GUCY2F: variants seen among roughly 807,000 people sequenced by gnomAD.
The protein encoded by GUCY2F is retinal guanylyl cyclase 2.
In GUCY2F, 61 loss-of-function variants were observed where a neutral mutation model predicts 73.1. The ratio of observed to expected loss-of-function variants is 0.83; its 90% CI spans 0.68 to 1.03. GUCY2F has a LOEUF of 1.03. GUCY2F is among the 50% of genes least tolerant of loss of function. The probability of loss-of-function intolerance (pLI) is 0.00; values close to 1 mark genes in which losing one functional copy is unlikely to be tolerated. For synonymous variants in GUCY2F, 331 were observed against 307.8 expected (o/e 1.08, Z -0.79); for missense variants, 912 against 854.3 (o/e 1.07, Z -0.84).
rs1930485620 is a variant in GUCY2F, at chrX:109,388,419, T to C, written c.2956+70A>G. On this transcript the variant is annotated intron_variant, in intron 15 of 19. Coordinates refer to ENST00000218006, the MANE Select transcript of GUCY2F (RefSeq NM_001522.3). ...GCCAGGAATCAGGGGAGAGCTATCT[T>C]TTTCCCTTTCTTTTTTAGTCTTCCT... is the stretch of plus-strand genomic sequence containing the variant. The C allele has an allele frequency of 3.6e-6, 3 of 843,775 alleles. No individual in the cohort carries two copies. The South Asian group carries it at 7.1e-5, about 20-fold the overall frequency. 69.5% of individuals were successfully genotyped at this position (843,775 alleles called of 1,213,427 possible). A position where few individuals can be genotyped will look rare whatever the true frequency, so the allele number is the denominator to read the frequency against.
chrX:109,420,966 T>C (rs976050037), intron 8 of GUCY2F, among the ~76,000 whole-genome samples: 1 of 111,689 alleles, frequency 9.0e-6, no homozygotes, highest in African/African-American at 3.2e-5. Context: ...AGTGAAAATA[T>C]ATGTTCACAA....
At chrX:109,463,453 T>C (rs917331963) in intron 3 of GUCY2F, among the ~76,000 whole-genome samples, 1 of 103,011 alleles carries the variant, frequency 9.7e-6, no homozygotes, top group Non-Finnish European at 2.0e-5. Context: ...TTTTTTTTTT[T>C]TGGAGATGGA....
At chrX:109,386,389 G>A (rs1000588531) in intron 15 of GUCY2F, among the ~76,000 whole-genome samples, 8 of 111,182 alleles carry the variant, frequency 7.2e-5, no homozygotes, top group African/African-American at 2.6e-4. Flanking sequence ...AGTAGGATTT[G>A]AACAGTGGAA....
rs780364503 is a variant in GUCY2F, at chrX:109,465,215, T to C, written c.959A>G (p.Glu320Gly). 3 of 1,209,283 alleles carry C rather than the reference T, an allele frequency of 2.5e-6. No homozygotes were observed. Among genetic ancestry groups the C allele is most frequent in the Non-Finnish European group, 3.4e-6 (3 of 893,093 alleles). The change falls in exon 3 of 20, where the codon GAA (glutamate) becomes GGA (glycine). Residue 320 changes from glutamate (E) to glycine (G), a missense_variant. Glu to Gly is a moderately conservative substitution (Grantham distance 98, BLOSUM62 -2). Transcript: ENST00000218006. ...AVLTITVESQ[E>G]KTFYQAFTEA... ...TGTGAAGGCTTGATAGAAGGTCTTT[T>C]CTTGGGACTCCACTGTAATGGTCAA...
At chrX:109,474,915 G>A (rs1932653288) in intron 2 of GUCY2F, among the ~76,000 whole-genome samples, 1 of 112,212 alleles carries the variant, frequency 8.9e-6, no homozygotes, top group Non-Finnish European at 1.9e-5. Context: ...CAGAAAGAAA[G>A]GATGTATGGC....
At chrX:109,463,632 T>A (rs1242744630) in intron 3 of GUCY2F, among the ~76,000 whole-genome samples, 1 of 109,604 alleles carries the variant, frequency 9.1e-6, no homozygotes, top group East Asian at 2.9e-4. Context: ...AGAGATGGGG[T>A]TTCACCGTGT....
chrX:109,382,494 T>C (rs1930341634), intron 16 of GUCY2F, among the ~76,000 whole-genome samples: 1 of 112,210 alleles, frequency 8.9e-6, no homozygotes, highest in African/African-American at 3.2e-5. Flanking sequence ...AAGGTTGAGA[T>C]GGAGAAACCA....
chrX:109,375,369 G>A (rs190846198), intron 19 of GUCY2F, among the ~76,000 whole-genome samples: 2 of 111,300 alleles, frequency 1.8e-5, no homozygotes, highest in East Asian at 5.7e-4. Context: ...ATACAAGCCA[G>A]GCAGTCAAAG....
intron 16 of GUCY2F, among the ~76,000 whole-genome samples, chrX:109,384,609 G>A (rs963160505): frequency 1.8e-5 from 2 of 111,698 alleles, no homozygotes; most frequent in African/African-American, 6.5e-5. Flanking sequence ...TTTATATACA[G>A]GGAAGTTGCA....
At chrX:109,402,123 C>T (rs1269381888) in intron 10 of GUCY2F, among the ~76,000 whole-genome samples, 3 of 111,300 alleles carry the variant, frequency 2.7e-5, no homozygotes, top group East Asian at 5.7e-4. Flanking sequence ...TAGAAAGCTC[C>T]TTCTGGCTGC....
chrX:109,464,183 CT>C (rs1185140967), intron 3 of GUCY2F, among the ~76,000 whole-genome samples: 5 of 111,498 alleles, frequency 4.5e-5, no homozygotes, highest in Non-Finnish European at 9.4e-5. Context: ...TAAATGGCTT[CT>C]TTTGTCTCCC....
At chrX:109,383,772 T>G (rs1334862037) in intron 16 of GUCY2F, among the ~76,000 whole-genome samples, 1 of 112,262 alleles carries the variant, frequency 8.9e-6, no homozygotes, top group Non-Finnish European at 1.9e-5. Flanking sequence ...GCTGTCTACA[T>G]CTCAAAATTC....
chrX:109,460,803 C>G (rs1189300646), intron 3 of GUCY2F, among the ~76,000 whole-genome samples: 2 of 111,390 alleles, frequency 1.8e-5, no homozygotes, highest in Admixed American at 1.9e-4. Context: ...AGACAGAGAG[C>G]CCCAGCAAAA....
intron 8 of GUCY2F, among the ~76,000 whole-genome samples, chrX:109,419,901 C>T (rs1931324129): frequency 9.1e-6 from 1 of 109,454 alleles, no homozygotes; most frequent in South Asian, 3.8e-4. Flanking sequence ...GCTTACACCA[C>T]TTGACTTTAG....
intron 8 of GUCY2F, among the ~76,000 whole-genome samples, chrX:109,423,862 A>G (rs1931425168): frequency 9.0e-6 from 1 of 111,495 alleles, no homozygotes; most frequent in Non-Finnish European, 1.9e-5. Flanking sequence ...AACAAATTAA[A>G]TACAAAGTAA....
chrX:109,456,700 T>C (rs1009699427), intron 3 of GUCY2F, among the ~76,000 whole-genome samples: 3 of 111,586 alleles, frequency 2.7e-5, no homozygotes, highest in Non-Finnish European at 5.7e-5. Context: ...AGCATAGCTA[T>C]AGCAACAGCA....
chrX:109,405,898 A>G (rs1930961289), intron 9 of GUCY2F, among the ~76,000 whole-genome samples: 1 of 111,764 alleles, frequency 8.9e-6, no homozygotes, highest in African/African-American at 3.3e-5. Context: ...TATGTGCCAG[A>G]CACTCTATAA....
In GUCY2F at chrX:109,451,926, G is replaced by A. The variant is rs1932142384; in HGVS notation, c.1472+97C>T. On this transcript the variant is annotated intron_variant, in intron 5 of 19. Transcript: ENST00000218006. ...AAAGAAAATCAGTGGGTCATGTAAT[G>A]AGGCAATTGTACCGAAACAGGACTT... 9.3e-6 allele frequency: 5 copies of A among 537,406 alleles called. No homozygotes were observed. The East Asian group carries it at 1.8e-4, about 19-fold the overall frequency. 44.3% of individuals were successfully genotyped at this position (537,406 alleles called of 1,213,427 possible). A position where few individuals can be genotyped will look rare whatever the true frequency, so the allele number is the denominator to read the frequency against.
chrX:109,431,296 T>A (rs1387359867), intron 7 of GUCY2F, among the ~76,000 whole-genome samples: 2 of 112,156 alleles, frequency 1.8e-5, no homozygotes, highest in Non-Finnish European at 3.8e-5. Context: ...TTCAAAGTGC[T>A]TTCACATCCA....
Sources: allele counts gnomAD v4.1 joint callset (sites outside exome capture counted in the v4.1 genomes callset), GRCh38; gene constraint gnomAD v4.1.1; transcripts MANE v1.5; gene names NCBI Gene and HGNC (gene_info 2026-07-23, HGNC 2026-07-21).